COL9A3: variants seen among roughly 807,000 people sequenced by gnomAD.
COL9A3 encodes the protein collagen alpha-3(IX) chain.
In COL9A3, 82 loss-of-function variants were observed where a neutral mutation model predicts 110.2. The observed-to-expected ratio is 0.74, with a 90% CI of 0.62 to 0.89. The LOEUF is 0.89. Among genes scored for constraint, COL9A3 ranks in the 40% least tolerant of loss-of-function variants. The pLI is 0.00. For missense variants in COL9A3, 1,066 were observed against 981.3 expected, an observed-to-expected ratio of 1.09 and a Z score of -1.15; for synonymous variants, 494 against 403.8, an observed-to-expected ratio of 1.22 and a Z score of -2.68.
In COL9A3 at chr20:62,840,576, CCAGGACGGT is replaced by C. The variant is rs2063669314; in HGVS notation, c.1900_1908del (p.Gln634_Gly636del). 6.2e-7 allele frequency: 1 copy of C among 1,612,564 alleles called. No homozygotes were observed. Among genetic ancestry groups the C allele is most frequent in the African/African-American group, 1.3e-5 (1 of 74,902 alleles). On this transcript the variant is annotated inframe_deletion, in exon 32 of 32. Transcript: ENST00000649368. ...GCGTGCCCGGCACCAGCAAGGACGG[CCAGGACGGT>C]GCTCCCGGCGAGCCTGGGCCTCCCG...
At chr20:62,821,334 C>A in intron 6 of COL9A3, 118 bp downstream of exon 6, 1 of 1,345,018 alleles carries the variant, frequency 7.4e-7, no homozygotes, top group South Asian at 1.2e-5. Flanking sequence ...TCATCTGCAG[C>A]CTCTCCGGAG....
chr20:62,834,126 G>A (rs546372198), intron 26 of COL9A3, among the ~76,000 whole-genome samples: 34 of 151,928 alleles, frequency 2.2e-4, no homozygotes, highest in Admixed American at 1.8e-3. Context: ...TGCCCGCCTC[G>A]GCCTCCCAAA....
chr20:62,833,201 G>A, intron 26 of COL9A3, 137 bp downstream of exon 26: 1 of 766,442 alleles, frequency 1.3e-6, no homozygotes, highest in Non-Finnish European at 2.3e-6. Flanking sequence ...GCAGCGTGGG[G>A]ATGGAGCAGG....
chr20:62,817,810 T>G, intron 2 of COL9A3, 175 bp downstream of exon 2: 1 of 663,116 alleles, frequency 1.5e-6, no homozygotes, highest in Non-Finnish European at 2.8e-6. Flanking sequence ...CGGGGACTGC[T>G]GGTGGGTAGG....
intron 25 of COL9A3, chr20:62,832,763 C>A: frequency 3.5e-6 from 1 of 288,218 alleles, no homozygotes; most frequent in Non-Finnish European, 5.5e-6. Flanking sequence ...CATCGAACCC[C>A]CACCGCAGGT....
In COL9A3 at chr20:62,817,070, CG is replaced by C; in HGVS notation, c.9del (p.Pro4ArgfsTer84). ...AGCTCAGACTCCGCTCAGCCATGGC[CG>C]GGCCGCGCGCGTGCGCCCCGCTCCT... MA[G>X]PRACAPLLLL... On this transcript the variant is annotated frameshift_variant, in exon 1 of 32. Transcript: ENST00000649368. LOFTEE classifies it high-confidence loss of function. 1.5e-6 allele frequency: 2 copies of C among 1,378,654 alleles called. No homozygotes were observed. Among genetic ancestry groups the C allele is most frequent in the Non-Finnish European group, 1.9e-6 (2 of 1,059,496 alleles). The allele number at this position is 1,378,654 out of a possible 1,614,324, so 85.4% of individuals were successfully genotyped here.
intron 17 of COL9A3, among the ~76,000 whole-genome samples, 192 bp downstream of exon 17, chr20:62,828,168 T>C (rs1600800154): frequency 6.6e-6 from 1 of 151,790 alleles, no homozygotes; most frequent in East Asian, 1.9e-4. Flanking sequence ...TGTGCAGGAG[T>C]AGGGGCCTCA....
chr20:62,841,154 C>T lies in COL9A3; in HGVS notation c.*422C>T, dbSNP rs916805547. On this transcript the variant is annotated 3_prime_UTR_variant, in exon 32 of 32. Transcript: ENST00000649368. ...GAATTTAATGTACAGTAAATTCTCT[C>T]CCATACAAAGGTCTAGTCTGATGTT... 11 of 207,460 alleles carry T rather than the reference C, an allele frequency of 5.3e-5. No individual in the cohort carries two copies. The highest frequency in any genetic ancestry group is 2.4e-5 in the African/African-American group (1 of 42,206). 12.9% of individuals were successfully genotyped at this position (207,460 alleles called of 1,614,324 possible). A position where few individuals can be genotyped will look rare whatever the true frequency, so the allele number is the denominator to read the frequency against.
intron 24 of COL9A3, chr20:62,831,229 G>A (rs1312030169): frequency 6.6e-6 from 1 of 152,338 alleles, no homozygotes; most frequent in East Asian, 1.9e-4. Flanking sequence ...TGCAGCAGCT[G>A]CAGCATTAGC....
intron 10 of COL9A3, among the ~76,000 whole-genome samples, chr20:62,823,393 CTGTT>C (rs1568751549): frequency 1.3e-5 from 2 of 152,234 alleles, no homozygotes; most frequent in Non-Finnish European, 1.5e-5. Context: ...TCTCTCCTCT[CTGTT>C]TGGCCGTCCG....
At chr20:62,819,387 C>A in intron 4 of COL9A3, 94 bp downstream of exon 4, 1 of 1,257,864 alleles carries the variant, frequency 7.9e-7, no homozygotes, top group Non-Finnish European at 1.1e-6. Flanking sequence ...GCTGGGCCTG[C>A]TCAGGCGGGA....
At chr20:62,830,692 A>T (rs865794725) in intron 24 of COL9A3, 104 bp downstream of exon 24, 1 of 302,090 alleles carries the variant, frequency 3.3e-6, no homozygotes, top group Non-Finnish European at 5.7e-6. Flanking sequence ...CAGTCCCCCA[A>T]CCCCTACCAC....
At chr20:62,835,881 C>T (rs1399109107) in intron 26 of COL9A3, 40 bp from the exon 27 acceptor site, 44 of 1,613,168 alleles carry the variant, frequency 2.7e-5, no homozygotes, top group Non-Finnish European at 3.6e-5. Flanking sequence ...ACCCACCCAA[C>T]AATACACTTA....
intron 20 of COL9A3, 47 bp downstream of exon 20, chr20:62,829,546 C>A (rs377147989): frequency 6.9e-6 from 10 of 1,456,294 alleles, no homozygotes; most frequent in Non-Finnish European, 9.6e-6. Flanking sequence ...GGCGAGGGGC[C>A]GGGAGGCAAG....
intron 22 of COL9A3, 123 bp from the exon 23 acceptor site, chr20:62,830,237 G>A: frequency 1.7e-6 from 2 of 1,170,188 alleles, no homozygotes; most frequent in East Asian, 5.1e-5. Context: ...ACCCAGCCAG[G>A]TGGCTTAGAA....
At chr20:62,829,362 G>T (rs1417552775) in intron 19 of COL9A3, 93 bp from the exon 20 acceptor site, 1 of 1,535,438 alleles carries the variant, frequency 6.5e-7, no homozygotes, top group Non-Finnish European at 8.9e-7. Context: ...CACTCACTCT[G>T]GCCCCTGCAC....
chr20:62,822,457 G>A (rs2063519765), intron 9 of COL9A3, 134 bp from the exon 10 acceptor site: 7 of 950,690 alleles, frequency 7.4e-6, no homozygotes, highest in Non-Finnish European at 1.2e-5. Flanking sequence ...CCACTTGGGG[G>A]ACAGGATGAA....
At chr20:62,818,606 G>A in intron 3 of COL9A3, 53 bp downstream of exon 3, 2 of 1,558,518 alleles carry the variant, frequency 1.3e-6, no homozygotes, top group South Asian at 1.1e-5. Flanking sequence ...AGAGAAAGGG[G>A]GAACTCAGAA....
chr20:62,832,856 C>T (rs768358500), intron 25 of COL9A3, 164 bp from the exon 26 acceptor site: 5 of 543,302 alleles, frequency 9.2e-6, no homozygotes, highest in Non-Finnish European at 1.5e-5. Context: ...CTCCCAAGGG[C>T]TGTGTTTGGA....
Sources: allele counts gnomAD v4.1 joint callset (sites outside exome capture counted in the v4.1 genomes callset), GRCh38; gene constraint gnomAD v4.1.1; transcripts MANE v1.5; gene names NCBI Gene and HGNC (gene_info 2026-07-23, HGNC 2026-07-21).